KCNIP4: variants seen among roughly 807,000 people sequenced by gnomAD.
The protein encoded by KCNIP4 is Kv channel-interacting protein 4.
In KCNIP4, 12 loss-of-function variants were observed where a neutral mutation model predicts 34.0. The ratio of observed to expected loss-of-function variants is 0.35; its 90% confidence interval spans 0.23 to 0.57. The LOEUF (loss-of-function observed/expected upper bound fraction) is 0.57. Ranked by LOEUF, KCNIP4 falls within the 20% of genes least tolerant of loss-of-function variation. KCNIP4 has a pLI of 0.83. For synonymous variants in KCNIP4, 124 were observed against 102.2 expected (o/e 1.21, Z -1.29); for missense variants, 238 against 311.7 (o/e 0.76, Z 1.78).
At chr4:21,425,495 AATTT>A (rs1289834255) in intron 1 of KCNIP4, among the ~76,000 whole-genome samples, 2 of 152,174 alleles carry the variant, frequency 1.3e-5, no homozygotes, top group African/African-American at 4.8e-5. Flanking sequence ...AAGTGGTAAG[AATTT>A]ATTTAAGTAA....
At chr4:21,259,885 C>CTGTGTGTGTGTGTGTGTGTGTG (rs4054880) in intron 1 of KCNIP4, among the ~76,000 whole-genome samples, 26 of 145,904 alleles carry the variant, frequency 1.8e-4, no homozygotes, top group Admixed American at 1.0e-3. Flanking sequence ...GCGCCCAAGA[C>CTGTGTGTGTGTGTGTGTGTGTG]TGTGTGTGTG....
chr4:21,148,562 T>C (rs1752547096), intron 1 of KCNIP4, among the ~76,000 whole-genome samples: 1 of 152,074 alleles, frequency 6.6e-6, no homozygotes, highest in Admixed American at 6.6e-5. Context: ...ATTTAAAAAA[T>C]ATTTAAATAT....
At chr4:20,903,861 G>C (rs965659068) in intron 1 of KCNIP4, among the ~76,000 whole-genome samples, 13 of 152,074 alleles carry the variant, frequency 8.5e-5, no homozygotes, top group African/African-American at 3.1e-4. Context: ...TTAATTGCCT[G>C]AGCTGGTTAC....
At chr4:21,300,935 G>A (rs2109240876) in intron 1 of KCNIP4, among the ~76,000 whole-genome samples, 1 of 152,278 alleles carries the variant, frequency 6.6e-6, no homozygotes, top group Middle Eastern at 3.4e-3. Context: ...GAGGTAAAGT[G>A]ACTTAATCCA....
intron 1 of KCNIP4, among the ~76,000 whole-genome samples, chr4:21,782,207 C>T (rs1219168028): frequency 6.6e-6 from 1 of 152,102 alleles, no homozygotes; most frequent in Non-Finnish European, 1.5e-5. Context: ...CTACAAGGAA[C>T]TCACTTCAAA....
intron 1 of KCNIP4, among the ~76,000 whole-genome samples, chr4:21,346,115 A>G (rs1717302585): frequency 8.3e-6 from 1 of 120,558 alleles, no homozygotes; most frequent in African/African-American, 3.1e-5. Flanking sequence ...ATATATAAAT[A>G]TATATATTTT....
chr4:21,919,972 A>G (rs1728847772), intron 1 of KCNIP4, among the ~76,000 whole-genome samples: 1 of 152,198 alleles, frequency 6.6e-6, no homozygotes, highest in African/African-American at 2.4e-5. Context: ...TAAAAAACCA[A>G]TTCATAAGCT....
intron 1 of KCNIP4, among the ~76,000 whole-genome samples, chr4:21,491,785 T>C (rs907368996): frequency 1.3e-5 from 2 of 151,870 alleles, no homozygotes; most frequent in Admixed American, 6.5e-5. Context: ...ACTAATGTGA[T>C]AAGAATCATT....
intron 1 of KCNIP4, among the ~76,000 whole-genome samples, chr4:21,436,073 G>A (rs555560873): frequency 6.6e-6 from 1 of 152,206 alleles, no homozygotes; most frequent in South Asian, 2.1e-4. Flanking sequence ...TCATTTAGAC[G>A]GCACATTTCT....
intron 1 of KCNIP4, among the ~76,000 whole-genome samples, chr4:21,929,141 T>C (rs945624132): frequency 1.3e-5 from 2 of 152,000 alleles, no homozygotes; most frequent in African/African-American, 4.8e-5. Flanking sequence ...ACATAAAACA[T>C]ATTAAACACT....
chr4:21,630,548 T>C (rs189597896), intron 1 of KCNIP4, among the ~76,000 whole-genome samples: 15 of 152,258 alleles, frequency 9.9e-5, no homozygotes, highest in Non-Finnish European at 2.1e-4. Flanking sequence ...TCATAAATTA[T>C]ATTGATTACT....
At chr4:20,880,401 C>T (rs758456224) in intron 2 of KCNIP4, among the ~76,000 whole-genome samples, 4 of 152,072 alleles carry the variant, frequency 2.6e-5, no homozygotes, top group Non-Finnish European at 2.9e-5. Flanking sequence ...CTAAGTCTAG[C>T]GTAGGTTCAG....
intron 1 of KCNIP4, among the ~76,000 whole-genome samples, chr4:21,257,579 C>T (rs774233502): frequency 7.4e-4 from 112 of 151,780 alleles, no homozygotes; most frequent in Non-Finnish European, 1.3e-3. Context: ...GAAACCCTGT[C>T]CTCTACTAAA....
chr4:21,646,047 C>T (rs1401248022), intron 1 of KCNIP4, among the ~76,000 whole-genome samples: 1 of 152,190 alleles, frequency 6.6e-6, no homozygotes, highest in Admixed American at 6.5e-5. Flanking sequence ...CTGATTCCTA[C>T]AGTCCTACCA....
At chr4:21,350,191 C>T (rs985730930) in intron 1 of KCNIP4, among the ~76,000 whole-genome samples, 9 of 152,068 alleles carry the variant, frequency 5.9e-5, no homozygotes, top group African/African-American at 2.2e-4. Flanking sequence ...ACCAGGTTAT[C>T]ACTGACATTT....
chr4:21,769,641 G>A (rs1474403791), intron 1 of KCNIP4, among the ~76,000 whole-genome samples: 1 of 152,094 alleles, frequency 6.6e-6, no homozygotes, highest in African/African-American at 2.4e-5. Context: ...TGCCTGGCAT[G>A]AGACTGAAGG....
chr4:21,251,196 G>T (rs1239180153), intron 1 of KCNIP4, among the ~76,000 whole-genome samples: 1 of 152,082 alleles, frequency 6.6e-6, no homozygotes, highest in African/African-American at 2.4e-5. Context: ...TTAAATAAAA[G>T]CTATCCAACA....
intron 1 of KCNIP4, among the ~76,000 whole-genome samples, chr4:21,876,128 T>C (rs1198468883): frequency 6.6e-6 from 1 of 152,162 alleles, no homozygotes; most frequent in Non-Finnish European, 1.5e-5. Flanking sequence ...AAAAAAGCTA[T>C]AAAAATATTA....
intron 1 of KCNIP4, among the ~76,000 whole-genome samples, chr4:21,402,788 G>A (rs1723654631): frequency 6.6e-6 from 1 of 152,024 alleles, no homozygotes. Context: ...TCTGAATGAT[G>A]TACCTGCTCT....
Sources: gnomAD v4.1 joint callset for allele counts (sites outside exome capture counted in the v4.1 genomes callset) on GRCh38, gnomAD v4.1.1 for gene constraint, MANE v1.5 for transcripts, NCBI Gene and HGNC (gene_info 2026-07-23, HGNC 2026-07-21) for gene names.